Variants in DNAH1 observed in about 807,000 individuals in gnomAD.
DNAH1 encodes the protein dynein axonemal heavy chain 1, also known as axonemal beta dynein heavy chain 1.
In DNAH1, 327 loss-of-function variants were observed where a neutral mutation model predicts 484.3. That is an observed-to-expected ratio of 0.68 (90% CI 0.62 to 0.74). The LOEUF (loss-of-function observed/expected upper bound fraction) is 0.74. DNAH1 is among the 30% of genes least tolerant of loss of function. The pLI, the probability that DNAH1 is intolerant of heterozygous loss-of-function variation, is 0.00. For missense variants in DNAH1, 5,052 were observed against 5,546.8 expected (o/e 0.91, Z 2.83); for synonymous variants, 2,192 against 2,191.9 (o/e 1.00, Z 0.00).
rs377468681 is a variant in DNAH1 at position 52,353,402 on chromosome 3, C to T, written c.3249C>T (p.Asp1083=). The change falls in exon 20 of 78, where the codon GAC becomes GAT. Residue 1083 remains aspartate (D), a synonymous_variant. Coordinates refer to ENST00000420323, the MANE Select transcript of DNAH1 (RefSeq NM_015512.5). This position sits in a 1 kb window ranked among gnomAD's most constrained non-coding sequence, Gnocchi z 5.0. Reference sequence around the variant, plus strand: ...CAGCCTGCCAGGAAGTGGCCTTGGACATCCGGGCCCGCATCGAGGAGTTCA... The same window carrying T: ...CAGCCTGCCAGGAAGTGGCCTTGGATATCCGGGCCCGCATCGAGGAGTTCA... ...DMPACQEVAL[D]IRARIEEFKP... 15 of 1,611,738 alleles carry T rather than the reference C, an allele frequency of 9.3e-6. No individual in the cohort carries two copies. The highest frequency in any genetic ancestry group is 1.6e-4 in the Middle Eastern group (1 of 6,076).
intron 41 of DNAH1, 51 bp from the exon 42 acceptor site, chr3:52,371,895 G>T: frequency 6.3e-7 from 1 of 1,597,488 alleles, no homozygotes; most frequent in East Asian, 2.2e-5. Context: ...GCAGCCAGGA[G>T]TGGGGCAGGG....
At position 52,395,146 on chromosome 3, in the gene DNAH1, C is replaced by G. The variant is rs1037139278; in HGVS notation, c.10968+87C>G. ...GCCCTGGCTGCATCTGGATAGACTA[C>G]TTGGCCAGGCCAGGACCCCTGCTTG... On this transcript the variant is annotated intron_variant, in intron 68 of 77. Transcript: ENST00000420323. This position sits in a 1 kb window ranked among gnomAD's most constrained non-coding sequence, Gnocchi z 4.4. 93 of 1,522,252 alleles carry G rather than the reference C, an allele frequency of 6.1e-5. 1 individual carries two copies. The highest frequency in any genetic ancestry group is 3.8e-4 in the Middle Eastern group (2 of 5,320). 94.3% of individuals were successfully genotyped at this position (1,522,252 alleles called of 1,614,324 possible).
chr3:52,351,648 G>T (rs1335440371), intron 16 of DNAH1, among the ~76,000 whole-genome samples: 1 of 152,220 alleles, frequency 6.6e-6, no homozygotes, highest in African/African-American at 2.4e-5. Flanking sequence ...CTTAAGAGGG[G>T]AACTTGGCCT....
intron 8 of DNAH1, 141 bp from the exon 9 acceptor site, chr3:52,344,349 G>C (rs1275462334): frequency 1.0e-5 from 10 of 1,000,382 alleles, no homozygotes; most frequent in Non-Finnish European, 1.3e-5. Context: ...GCTCAGGGCC[G>C]GGTGGGGGTG....
At chr3:52,359,524 C>G in intron 26 of DNAH1, 138 bp downstream of exon 26, 1 of 1,215,676 alleles carries the variant, frequency 8.2e-7, no homozygotes. Flanking sequence ...GTCAGACACC[C>G]TTGAAGTGTC....
At chr3:52,318,656 A>G (rs1232127493) in intron 1 of DNAH1, among the ~76,000 whole-genome samples, 2 of 152,230 alleles carry the variant, frequency 1.3e-5, no homozygotes, top group Non-Finnish European at 2.9e-5. Flanking sequence ...ATGCCTACAC[A>G]GCTGACAGGA....
Position 52,372,982 on chromosome 3 carries a change from G to A in DNAH1, c.6914G>A (p.Gly2305Asp). Residue 2305 changes from glycine (G) to aspartate (D), a missense_variant, in exon 44 of 78, where the codon GGT becomes GAT. By Grantham distance (94) the Gly-to-Asp change is moderately conservative. Transcript: ENST00000420323. ...DLNMPALETY[G>D]AQPPIELLRQ... is the part of the protein sequence containing the mutation. ...AACATGCCGGCCCTGGAGACCTACG[G>A]TGCACAGCCACCCATCGAGCTGTTG... 1.2e-6 allele frequency: 2 copies of A among 1,613,778 alleles called. No homozygotes were observed. Among genetic ancestry groups the A allele is most frequent in the Non-Finnish European group, 1.7e-6 (2 of 1,179,868 alleles).
upstream of DNAH1, among the ~76,000 whole-genome samples, chr3:52,314,612 C>T (rs1156995463): frequency 6.6e-6 from 1 of 152,216 alleles, no homozygotes; most frequent in Non-Finnish European, 1.5e-5. Flanking sequence ...CCAGCACCCC[C>T]TGACCCCATC....
Position 52,370,142 on chromosome 3 carries a change from G to A in DNAH1, c.6171G>A (p.Lys2057=), listed in dbSNP as rs769021053. 1.9e-6 allele frequency: 3 copies of A among 1,613,902 alleles called. No homozygotes were observed. The highest frequency in any genetic ancestry group is 4.5e-5 in the East Asian group (2 of 44,896). ...TCTCCTTCGTTCGGTCCTCAGTGAA[G>A]GAGGTGATCGCCTCAACCAACTGCA... ...ESISFVRSSV[K]EVIASTNCNL... is the part of the protein sequence containing the mutation. Residue 2057 remains lysine, a synonymous_variant, in exon 39 of 78, where the codon AAG becomes AAA. Transcript: ENST00000420323.
At position 52,392,919 on chromosome 3, in the gene DNAH1, C is replaced by G. The variant is rs769051639; in HGVS notation, c.10368C>G (p.Leu3456=). Residue 3456 remains leucine, a synonymous_variant, in exon 65 of 78, where the codon CTC becomes CTG. Coordinates refer to ENST00000420323, the MANE Select transcript of DNAH1 (RefSeq NM_015512.5). ...YIPVAIRTQI[L]FFCVSDLANV... is the part of the protein sequence containing the mutation. ...CCGTGGCCATCCGCACCCAGATCCT[C>G]TTCTTCTGTGTGTCCGACCTGGCCA... 2 of 1,613,482 alleles carry G rather than the reference C, an allele frequency of 1.2e-6. No individual in the cohort carries two copies. The highest frequency in any genetic ancestry group is 1.1e-5 in the South Asian group (1 of 91,056).
At chr3:52,398,225 C>A (rs1704728117) in intron 75 of DNAH1, 63 bp downstream of exon 75, 2 of 1,533,848 alleles carry the variant, frequency 1.3e-6, no homozygotes, top group Non-Finnish European at 1.8e-6. Context: ...GAAATGACAA[C>A]AGGGGTTACT....
At chr3:52,313,921 G>A (rs1330070763), upstream of DNAH1, among the ~76,000 whole-genome samples, 1 of 152,168 alleles carries the variant, frequency 6.6e-6, no homozygotes, top group Non-Finnish European at 1.5e-5. Flanking sequence ...GAAGGGACTT[G>A]CCCGGTGAGT....
Position 52,395,190 on chromosome 3 carries a change from G to T in DNAH1, c.10969-118G>T. On this transcript the variant is annotated intron_variant, in intron 68 of 77. Coordinates refer to ENST00000420323, the MANE Select transcript of DNAH1 (RefSeq NM_015512.5). The surrounding 1 kb of genome is among the most constrained non-coding windows in gnomAD (Gnocchi z 4.4). ...CTGCTTGCTCCCTAAAGGCTCTGAGGTTCCAGCCCCCACCAGGAAGCCCAC... is the reference window on the plus strand; with the variant it reads ...CTGCTTGCTCCCTAAAGGCTCTGAGTTTCCAGCCCCCACCAGGAAGCCCAC... 5 of 1,492,346 alleles carry T rather than the reference G, an allele frequency of 3.4e-6. No individual in the cohort carries two copies. The highest frequency in any genetic ancestry group is 4.5e-6 in the Non-Finnish European group (5 of 1,111,818). 92.4% of individuals were successfully genotyped at this position (1,492,346 alleles called of 1,614,324 possible).
Position 52,366,443 on chromosome 3 carries a change from G to A in DNAH1, c.5519-14G>A. ...CCATGCTCTGACCCTTGGGCCCCAT[G>A]CCATGTCCCCCAGGCTTCCTGACAA... is the stretch of plus-strand genomic sequence containing the variant. On this transcript the variant is annotated splice_polypyrimidine_tract_variant and intron_variant, in intron 34 of 77. Transcript: ENST00000420323. 6.3e-7 allele frequency: 1 copy of A among 1,579,202 alleles called. No individual in the cohort carries two copies. The highest frequency in any genetic ancestry group is 8.6e-7 in the Non-Finnish European group (1 of 1,163,124).
rs146246273 is a variant in DNAH1 at position 52,364,739 on chromosome 3, G to A, written c.5331+15G>A. 45 of 1,611,288 alleles carry A rather than the reference G, an allele frequency of 2.8e-5. No individual in the cohort carries two copies. In the East Asian group the frequency reaches 9.4e-4, roughly 34 times the overall value. On this transcript the variant is annotated intron_variant, in intron 33 of 77. Coordinates refer to ENST00000420323, the MANE Select transcript of DNAH1 (RefSeq NM_015512.5). The surrounding 1 kb of genome is among the most constrained non-coding windows in gnomAD (Gnocchi z 4.2). ...GCATGAATGAGGTGAGCTCCACCCAGCAGGGCTCCAGGAGTGGAACTCTGG... is the reference window on the plus strand; with the variant it reads ...GCATGAATGAGGTGAGCTCCACCCAACAGGGCTCCAGGAGTGGAACTCTGG...
intron 8 of DNAH1, among the ~76,000 whole-genome samples, chr3:52,338,108 AATTT>A (rs1701799432): frequency 6.6e-6 from 1 of 151,860 alleles, no homozygotes; most frequent in Non-Finnish European, 1.5e-5. Flanking sequence ...TTAATTAATT[AATTT>A]ATTTATTTAT....
chr3:52,365,043 C>A, intron 34 of DNAH1, 24 bp downstream of exon 34: 1 of 1,590,082 alleles, frequency 6.3e-7, no homozygotes, highest in South Asian at 1.1e-5. Context: ...CCTGAGTGTT[C>A]GTGGAGGGGC....
At position 52,364,842 on chromosome 3, in the gene DNAH1, TGCC is replaced by T. The variant is rs747302407; in HGVS notation, c.5342_5344del (p.Cys1781_Leu1782delinsPhe). The T allele has an allele frequency of 6.2e-7, 1 of 1,613,230 alleles. No individual in the cohort carries two copies. Among genetic ancestry groups the T allele is most frequent in the Non-Finnish European group, 8.5e-7 (1 of 1,179,286 alleles). ...CCGGCACCTGCTGCAGGAGCTGATC[TGCC>T]TCCGGGCCATCCGTGATGTGAACGT... On this transcript the variant is annotated inframe_deletion, in exon 34 of 78. Coordinates refer to ENST00000420323, the MANE Select transcript of DNAH1 (RefSeq NM_015512.5). The surrounding 1 kb of genome is among the most constrained non-coding windows in gnomAD (Gnocchi z 4.2).
At chr3:52,312,178 G>C (rs1310239292), upstream of DNAH1, among the ~76,000 whole-genome samples, 1 of 152,200 alleles carries the variant, frequency 6.6e-6, no homozygotes, top group African/African-American at 2.4e-5. Flanking sequence ...TGCAAAACAA[G>C]GCTTTGCTCC....
Sources: allele counts gnomAD v4.1 joint callset (sites outside exome capture counted in the v4.1 genomes callset), GRCh38; gene constraint gnomAD v4.1.1; non-coding constraint Gnocchi (gnomAD v3.1); transcripts MANE v1.5; gene names NCBI Gene and HGNC (gene_info 2026-07-23, HGNC 2026-07-21).